Variants in SLC39A9 observed in about 807,000 individuals in gnomAD.
SLC39A9 encodes zinc transporter ZIP9.
SLC39A9 carries 14 observed loss-of-function variants against 28.4 expected under a neutral mutation model. The ratio of observed to expected loss-of-function variants is 0.49; its 90% CI spans 0.33 to 0.77. The LOEUF (loss-of-function observed/expected upper bound fraction) is 0.77. SLC39A9 is among the 30% of genes least tolerant of loss of function. The pLI is 0.02. For missense variants in SLC39A9, 283 were observed against 381.1 expected, an observed-to-expected ratio of 0.74 and a Z score of 2.14; for synonymous variants, 119 against 149.6, an observed-to-expected ratio of 0.80 and a Z score of 1.49.
chr14:69,447,649 T>C (rs1885397005), intron 3 of SLC39A9, among the ~76,000 whole-genome samples: 1 of 152,166 alleles, frequency 6.6e-6, no homozygotes, highest in African/African-American at 2.4e-5. Flanking sequence ...CAGTGGCTCA[T>C]GCCTGTAATC....
At position 69,455,714 on chromosome 14, in the gene SLC39A9, A is replaced by C. The variant is rs572326465; in HGVS notation, c.559-18A>C. On this transcript the variant is annotated intron_variant, in intron 5 of 6. Coordinates refer to ENST00000336643, the MANE Select transcript of SLC39A9 (RefSeq NM_018375.5). ...CATACTTCTAGAATGATAATAAGAG[A>C]TGATTTTTTATTTCCAGGCACCAGC... is the stretch of plus-strand genomic sequence containing the variant. 5 of 1,614,062 alleles carry C rather than the reference A, an allele frequency of 3.1e-6. No homozygotes were observed. Among genetic ancestry groups the C allele is most frequent in the Non-Finnish European group, 4.2e-6 (5 of 1,179,976 alleles).
chr14:69,436,849 T>G (rs930400035), intron 2 of SLC39A9, among the ~76,000 whole-genome samples: 2 of 152,184 alleles, frequency 1.3e-5, no homozygotes, highest in Non-Finnish European at 2.9e-5. Flanking sequence ...CATAGTTCCA[T>G]GTGACTTGGG....
rs1018520928 is a variant in SLC39A9, at chr14:69,458,942, A to G, written c.*349A>G. 1.1e-5 allele frequency: 11 copies of G among 1,026,082 alleles called. No individual in the cohort carries two copies. The highest frequency in any genetic ancestry group is 4.3e-5 in the South Asian group (1 of 23,070). The allele number at this position is 1,026,082 out of a possible 1,614,324, so 63.6% of individuals were successfully genotyped here. On this transcript the variant is annotated 3_prime_UTR_variant, in exon 7 of 7. Transcript: ENST00000336643. ...CTCACAATGAAATAGTGATTATGAA[A>G]ATACAGTGTTCTGTAATTAAGCTAT...
At chr14:69,423,383 C>G (rs1481499925) in intron 1 of SLC39A9, among the ~76,000 whole-genome samples, 1 of 152,156 alleles carries the variant, frequency 6.6e-6, no homozygotes, top group Non-Finnish European at 1.5e-5. Flanking sequence ...TAGTAATAAG[C>G]ACAGTGGTCA....
chr14:69,407,282 T>TTTCCTTCCTTCCCTTCCTTCCC (rs1566906681), intron 1 of SLC39A9, among the ~76,000 whole-genome samples: 2 of 147,392 alleles, frequency 1.4e-5, no homozygotes, highest in Non-Finnish European at 3.0e-5. Flanking sequence ...CTTTCTTTCC[T>TTTCCTTCCTTCCCTTCCTTCCC]TTCCTTCCTT....
chr14:69,429,312 A>G (rs143434657), intron 2 of SLC39A9: 34 of 151,998 alleles, frequency 2.2e-4, no homozygotes, highest in African/African-American at 6.5e-4. Flanking sequence ...AAGCTTTTTG[A>G]AGTCCCCTTA....
Position 69,460,699 on chromosome 14 carries a change from G to A in SLC39A9, c.*2106G>A, listed in dbSNP as rs181349604. 22 of 985,346 alleles carry A rather than the reference G, an allele frequency of 2.2e-5. No individual in the cohort carries two copies. In the South Asian group the frequency reaches 2.8e-4, roughly 13 times the overall value. 61.0% of individuals were successfully genotyped at this position (985,346 alleles called of 1,614,324 possible). On this transcript the variant is annotated 3_prime_UTR_variant, in exon 7 of 7. Coordinates refer to ENST00000336643, the MANE Select transcript of SLC39A9 (RefSeq NM_018375.5). ...CTTGCTGGATGGAGCCTTGAACTCC[G>A]GCAAGGATTGAACCATCTGACTTCC...
At chr14:69,409,492 C>T (rs2140252545) in intron 1 of SLC39A9, among the ~76,000 whole-genome samples, 1 of 151,540 alleles carries the variant, frequency 6.6e-6, no homozygotes, top group East Asian at 1.9e-4. Context: ...CATGTGCCAC[C>T]AGGCCCAGCT....
chr14:69,453,452 A>T, intron 4 of SLC39A9, 143 bp downstream of exon 4: 1 of 659,708 alleles, frequency 1.5e-6, no homozygotes, highest in South Asian at 2.0e-5. Flanking sequence ...CTCCAACACA[A>T]GCACAAGCTT....
chr14:69,424,311 C>A, intron 2 of SLC39A9, 109 bp downstream of exon 2: 1 of 775,034 alleles, frequency 1.3e-6, no homozygotes, highest in Non-Finnish European at 2.2e-6. Flanking sequence ...CCATAGAGTT[C>A]TACCCTGAGA....
At chr14:69,432,272 T>C (rs1884538104) in intron 2 of SLC39A9, among the ~76,000 whole-genome samples, 1 of 152,236 alleles carries the variant, frequency 6.6e-6, no homozygotes, top group South Asian at 2.1e-4. Flanking sequence ...TGTAAGATGA[T>C]ATCTTATTTT....
rs1373488473 is a variant in SLC39A9, at chr14:69,444,577, C to T, written c.403+2311C>T. 5.3e-5 allele frequency among the ~76,000 whole-genome samples: 8 copies of T among 152,180 alleles called. No homozygotes were observed. In the East Asian group the frequency reaches 1.2e-3, roughly 22 times the overall value. ...GGTGGCAATGCAAAATGGTACAATG[C>T]CCATGGAGAGGAATTTGGCAGTATC... On this transcript the variant is annotated intron_variant, in intron 3 of 6. Transcript: ENST00000336643.
At position 69,399,025 on chromosome 14, in the gene SLC39A9, C is replaced by T; in HGVS notation, c.-345C>T. 9 of 254,744 alleles carry T rather than the reference C, an allele frequency of 3.5e-5. No individual in the cohort carries two copies. In the South Asian group the frequency reaches 3.7e-4, roughly 11 times the overall value. 15.8% of individuals were successfully genotyped at this position (254,744 alleles called of 1,614,324 possible). A position where few individuals can be genotyped will look rare whatever the true frequency, so the allele number is the denominator to read the frequency against. ...GCCGCCGCCTAAGACATTGTGCCACCCTCAATCCGACAATCGAAGAAATCG... is the reference window on the plus strand; with the variant it reads ...GCCGCCGCCTAAGACATTGTGCCACTCTCAATCCGACAATCGAAGAAATCG... On this transcript the variant is annotated 5_prime_UTR_variant, in exon 1 of 7. Transcript: ENST00000336643.
chr14:69,456,532 A>G (rs1171133676), intron 6 of SLC39A9, among the ~76,000 whole-genome samples: 1 of 152,114 alleles, frequency 6.6e-6, no homozygotes, highest in Non-Finnish European at 1.5e-5. Context: ...AGTTCTTTCT[A>G]TTGAATACTT....
At chr14:69,424,229 G>A in intron 2 of SLC39A9, 27 bp downstream of exon 2, 1 of 1,535,030 alleles carries the variant, frequency 6.5e-7, no homozygotes, top group Non-Finnish European at 9.0e-7. Flanking sequence ...CATTATTTGA[G>A]ATATGTTATT....
intron 6 of SLC39A9, among the ~76,000 whole-genome samples, chr14:69,456,244 C>T (rs1885853846): frequency 6.6e-6 from 1 of 152,112 alleles, no homozygotes; most frequent in South Asian, 2.1e-4. Context: ...GCCACATAGC[C>T]GCTTTGAGAA....
At chr14:69,438,024 C>CCTTTT (rs1566919438) in intron 2 of SLC39A9, among the ~76,000 whole-genome samples, 2 of 140,366 alleles carry the variant, frequency 1.4e-5, no homozygotes, top group Non-Finnish European at 1.5e-5. Context: ...TTCCCTTACC[C>CCTTTT]TTTTTTTTTT....
intron 2 of SLC39A9, among the ~76,000 whole-genome samples, chr14:69,440,768 G>C (rs1056364688): frequency 6.6e-6 from 1 of 152,118 alleles, no homozygotes; most frequent in Non-Finnish European, 1.5e-5. Flanking sequence ...CCGACTCCCT[G>C]GTTCAAGCGA....
Position 69,453,215 on chromosome 14 carries a change from C to T in SLC39A9, c.404-26C>T, listed in dbSNP as rs762995735. 51 of 1,596,324 alleles carry T rather than the reference C, an allele frequency of 3.2e-5. No homozygotes were observed. The South Asian group carries it at 3.4e-4, about 11-fold the overall frequency. Reference sequence around the variant, plus strand: ...ACAGTTTCTGTCTCACATAGCTTAACGCTGTCTTTCTCATTTTCACTTTAG... The same window carrying T: ...ACAGTTTCTGTCTCACATAGCTTAATGCTGTCTTTCTCATTTTCACTTTAG... On this transcript the variant is annotated intron_variant, in intron 3 of 6. Transcript: ENST00000336643.
Sources: allele counts gnomAD v4.1 joint callset (sites outside exome capture counted in the v4.1 genomes callset), GRCh38; gene constraint gnomAD v4.1.1; transcripts MANE v1.5; gene names NCBI Gene and HGNC (gene_info 2026-07-23, HGNC 2026-07-21).